Variants in STXBP5L observed in about 807,000 individuals in gnomAD.
STXBP5L encodes the protein syntaxin-binding protein 5-like.
STXBP5L carries 65 observed loss-of-function variants against 144.5 expected under a neutral mutation model. That is an observed-to-expected ratio of 0.45 (90% CI 0.37 to 0.55). The LOEUF (loss-of-function observed/expected upper bound fraction) is 0.55, where lower values mean the gene tolerates loss of function less well. Among genes scored for constraint, STXBP5L ranks in the 20% least tolerant of loss-of-function variants. STXBP5L has a pLI of 0.00. For synonymous variants in STXBP5L, 505 were observed against 469.6 expected (o/e 1.08, Z -0.97); for missense variants, 1,298 against 1,405.5 (o/e 0.92, Z 1.22).
chr3:121,273,283 G>A (rs1051182204), intron 18 of STXBP5L, among the ~76,000 whole-genome samples: 2 of 151,250 alleles, frequency 1.3e-5, no homozygotes, highest in Non-Finnish European at 2.9e-5. Flanking sequence ...GCTAGATACG[G>A]TATTGTTGGA....
chr3:121,121,607 G>A, intron 6 of STXBP5L, 34 bp from the exon 7 acceptor site: 1 of 1,499,304 alleles, frequency 6.7e-7, no homozygotes, highest in Non-Finnish European at 9.2e-7. Context: ...TTTAATGTTT[G>A]GTTTTTAATT....
At chr3:120,972,085 ATTATTC>A (rs1299619124) in intron 3 of STXBP5L, among the ~76,000 whole-genome samples, 6 of 151,948 alleles carry the variant, frequency 3.9e-5, no homozygotes, top group Non-Finnish European at 7.4e-5. Context: ...GAATTTTACA[ATTATTC>A]TTATTCTATG....
chr3:121,171,134 A>G (rs1052816386), intron 9 of STXBP5L, among the ~76,000 whole-genome samples: 2 of 152,082 alleles, frequency 1.3e-5, no homozygotes, highest in Non-Finnish European at 2.9e-5. Flanking sequence ...TTCGATGCAG[A>G]AGAGGACTTT....
intron 5 of STXBP5L, among the ~76,000 whole-genome samples, chr3:121,067,807 G>A (rs1427299681): frequency 6.6e-6 from 1 of 151,966 alleles, no homozygotes; most frequent in Non-Finnish European, 1.5e-5. Flanking sequence ...TTTATTTTCT[G>A]TATATGTATT....
intron 18 of STXBP5L, among the ~76,000 whole-genome samples, chr3:121,260,175 T>C (rs965924487): frequency 1.3e-5 from 2 of 152,262 alleles, no homozygotes; most frequent in South Asian, 4.1e-4. Context: ...ATAATATCAG[T>C]AAAATTTTTG....
chr3:121,018,929 C>A (rs1012430883), intron 3 of STXBP5L, among the ~76,000 whole-genome samples: 5 of 152,278 alleles, frequency 3.3e-5, no homozygotes, highest in South Asian at 2.1e-4. Context: ...GCCAAGAAAC[C>A]GTGAGCCTGC....
chr3:121,142,803 C>T (rs2045560845), intron 7 of STXBP5L, among the ~76,000 whole-genome samples: 1 of 151,450 alleles, frequency 6.6e-6, no homozygotes, highest in African/African-American at 2.4e-5. Context: ...ATAAGAAAGA[C>T]CTGCAAACTT....
At chr3:121,395,543 G>A (rs1385807733) in intron 22 of STXBP5L, among the ~76,000 whole-genome samples, 1 of 152,022 alleles carries the variant, frequency 6.6e-6, no homozygotes, top group Non-Finnish European at 1.5e-5. Context: ...TTTGAGGGTG[G>A]TATGCCTCAA....
intron 25 of STXBP5L, 140 bp downstream of exon 25, chr3:121,416,108 A>G: frequency 3.2e-6 from 2 of 618,350 alleles, no homozygotes; most frequent in East Asian, 5.9e-5. Flanking sequence ...TAAAGTTTGA[A>G]TATTTGTTTC....
At chr3:121,026,021 A>G (rs995427971) in intron 3 of STXBP5L, among the ~76,000 whole-genome samples, 3 of 140,494 alleles carry the variant, frequency 2.1e-5, no homozygotes, top group Non-Finnish European at 4.7e-5. Context: ...AAATATATTT[A>G]TAATTTTATA....
At chr3:121,078,462 G>A (rs1327635452) in intron 5 of STXBP5L, among the ~76,000 whole-genome samples, 1 of 152,268 alleles carries the variant, frequency 6.6e-6, no homozygotes, top group Non-Finnish European at 1.5e-5. Flanking sequence ...GAGCCCCGCT[G>A]TCGTCACCCA....
rs183861978 is a variant in STXBP5L, at chr3:121,338,844, C to A, written c.2176+20304C>A. 3.3e-5 allele frequency among the ~76,000 whole-genome samples: 5 copies of A among 152,130 alleles called. No homozygotes were observed. In the East Asian group the frequency reaches 5.8e-4, roughly 18 times the overall value. ...AACATACCACCTCCCCAGCTTGAAT[C>A]AGAATGAAACAGAAATTCTGAACAG... On this transcript the variant is annotated intron_variant, in intron 20 of 26. Coordinates refer to ENST00000471454, the MANE Select transcript of STXBP5L (RefSeq NM_001308330.2).
chr3:120,942,724 A>G (rs2107656999), intron 2 of STXBP5L, among the ~76,000 whole-genome samples: 1 of 151,208 alleles, frequency 6.6e-6, no homozygotes, highest in South Asian at 2.1e-4. Context: ...TCTTGTATTT[A>G]TATGCATTAT....
In STXBP5L at chr3:121,304,895, C is replaced by G. The variant is rs574509129; in HGVS notation, c.2111-13580C>G. 9.9e-5 allele frequency among the ~76,000 whole-genome samples: 15 copies of G among 151,546 alleles called. No individual in the cohort carries two copies. In the East Asian group the frequency reaches 2.9e-3, roughly 29 times the overall value. ...TAGAGGTCAAACCAGAGTAGATCAA[C>G]AAAACCCCAAAACAGTTCTTCAAAA... On this transcript the variant is annotated intron_variant, in intron 19 of 26. Transcript: ENST00000471454.
chr3:120,916,119 A>G (rs1055354485), intron 2 of STXBP5L, among the ~76,000 whole-genome samples: 3 of 152,190 alleles, frequency 2.0e-5, no homozygotes, highest in Non-Finnish European at 4.4e-5. Context: ...TATCTAACAT[A>G]TTAGAAAGAA....
At chr3:121,212,802 A>T (rs2331611) in intron 10 of STXBP5L, among the ~76,000 whole-genome samples, 18,310 of 152,114 alleles carry the variant, frequency 0.12, 1,159 homozygotes, top group Non-Finnish European at 0.14. Flanking sequence ...AAGTATTTTG[A>T]GCAGTGTGGC....
intron 7 of STXBP5L, among the ~76,000 whole-genome samples, chr3:121,122,731 A>G (rs2044524017): frequency 6.6e-6 from 1 of 151,530 alleles, no homozygotes; most frequent in African/African-American, 2.4e-5. Context: ...CATTAAAATT[A>G]CAACTCAGAA....
At chr3:121,056,692 C>T (rs2107614437) in intron 5 of STXBP5L, among the ~76,000 whole-genome samples, 1 of 152,208 alleles carries the variant, frequency 6.6e-6, no homozygotes, top group East Asian at 1.9e-4. Context: ...TTCTTCTATT[C>T]CTGTCCCCTG....
intron 24 of STXBP5L, 85 bp from the exon 25 acceptor site, chr3:121,415,772 G>T: frequency 1.2e-6 from 1 of 842,184 alleles, no homozygotes; most frequent in South Asian, 2.0e-5. Flanking sequence ...TTCATGATGT[G>T]TCCTACTATA....
Sources: allele counts gnomAD v4.1 joint callset (sites outside exome capture counted in the v4.1 genomes callset), GRCh38; gene constraint gnomAD v4.1.1; transcripts MANE v1.5; gene names NCBI Gene and HGNC (gene_info 2026-07-23, HGNC 2026-07-21).